The following MYH3 variants were observed in gnomAD, a reference collection of about 807,000 sequenced individuals.
The protein encoded by MYH3 is myosin-3.
Under a neutral mutation model 238.0 loss-of-function variants are expected in MYH3, and 130 were observed. That is an observed-to-expected ratio of 0.55 (90% CI 0.47 to 0.63). MYH3 has a LOEUF of 0.63. Among genes scored for constraint, MYH3 ranks in the 30% least tolerant of loss-of-function variants. MYH3 has a pLI of 0.00. For missense variants in MYH3, 1,853 were observed against 2,374.9 expected (o/e 0.78, Z 4.57); for synonymous variants, 880 against 924.1 (o/e 0.95, Z 0.86).
Position 10,628,577 on chromosome 17 carries a change from A to T in MYH3, c.*76T>A. 1.3e-6 allele frequency: 2 copies of T among 1,495,396 alleles called. No homozygotes were observed. The highest frequency in any genetic ancestry group is 1.9e-6 in the Non-Finnish European group (2 of 1,071,806). The allele number at this position is 1,495,396 out of a possible 1,614,324, so 92.6% of individuals were successfully genotyped here. ...TTGCATGTGAAAAAGAGTCACATGG[A>T]CATTAAGTATCAATGGTCAGGAATC... On this transcript the variant is annotated 3_prime_UTR_variant, in exon 41 of 41. Coordinates refer to ENST00000583535, the MANE Select transcript of MYH3 (RefSeq NM_002470.4).
chr17:10,652,607 GTCTTTTTT>G, intron 3 of MYH3, 44 bp from the exon 4 acceptor site: 8 of 605,262 alleles, frequency 1.3e-5, no homozygotes, highest in Non-Finnish European at 2.1e-5. Flanking sequence ...TGGTCTGCAC[GTCTTTTTT>G]TTTTTTTTTT....
At chr17:10,669,739 A>G in the MYH3 span, among the ~76,000 whole-genome samples, 6 of 152,048 alleles carry the variant, frequency 3.9e-5, no homozygotes, top group African/African-American at 1.4e-4. Context: ...CCCCATCTCT[A>G]CAAAAAATAA....
chr17:10,630,051 C>A (rs779938045), intron 38 of MYH3, 41 bp downstream of exon 38: 2 of 1,606,936 alleles, frequency 1.2e-6, no homozygotes, highest in South Asian at 1.1e-5. Flanking sequence ...AGAATCTGCA[C>A]GTCACAGAGG....
intron 34 of MYH3, 118 bp from the exon 35 acceptor site, chr17:10,632,134 T>G: frequency 7.5e-7 from 1 of 1,326,568 alleles, no homozygotes; most frequent in Non-Finnish European, 1.0e-6. Flanking sequence ...TTGTTTTGTT[T>G]GTTTTGAGAC....
chr17:10,667,749 C>T, the MYH3 span, among the ~76,000 whole-genome samples: 5 of 148,718 alleles, frequency 3.4e-5, no homozygotes, highest in Admixed American at 6.7e-5. Flanking sequence ...CAGGATATAG[C>T]GTTAAAAAAA....
chr17:10,671,631 G>A, the MYH3 span, among the ~76,000 whole-genome samples: 2 of 138,542 alleles, frequency 1.4e-5, no homozygotes, highest in South Asian at 4.7e-4. Context: ...CCAGGCTGGA[G>A]TGCAGTGGTG....
At position 10,638,903 on chromosome 17, in the gene MYH3, G is replaced by C. The variant is rs1306030129; in HGVS notation, c.3309C>G (p.Leu1103=). 1 of 1,614,034 alleles carries C rather than the reference G, an allele frequency of 6.2e-7. No homozygotes were observed. The highest frequency in any genetic ancestry group is 8.5e-7 in the Non-Finnish European group (1 of 1,180,012). The change falls in exon 26 of 41, where the codon CTC becomes CTG. Residue 1103 remains leucine, a synonymous_variant. Coordinates refer to ENST00000583535, the MANE Select transcript of MYH3 (RefSeq NM_002470.4). The stretch of plus-strand genomic sequence containing the variant: ...ACTCTTTGATTTTCTTCTGAAACTG[G>C]AGGCCCAGTGTCTGCTCATCTTCCA... ...SKVEDEQTLG[L]QFQKKIKELQ...
chr17:10,632,470 T>C lies in MYH3; in HGVS notation c.4956+6A>G, dbSNP rs745732321. 4 of 1,612,742 alleles carry C rather than the reference T, an allele frequency of 2.5e-6. No homozygotes were observed. The highest frequency in any genetic ancestry group is 2.2e-5 in the South Asian group (2 of 91,092). Reference sequence around the variant, plus strand: ...AGAGGTTTTTCCCCGATGGGTTCTCTCAAACCTTCAGCTGTCCCTGGACAC... The same window carrying C: ...AGAGGTTTTTCCCCGATGGGTTCTCCCAAACCTTCAGCTGTCCCTGGACAC... On this transcript the variant is annotated splice_donor_region_variant and intron_variant, in intron 34 of 40. Coordinates refer to ENST00000583535, the MANE Select transcript of MYH3 (RefSeq NM_002470.4).
At position 10,629,805 on chromosome 17, in the gene MYH3, C is replaced by T. The variant is rs368693549; in HGVS notation, c.5658+37G>A. On this transcript the variant is annotated intron_variant, in intron 39 of 40. Transcript: ENST00000583535. ...TCAGAACTCACCACGGGAAACAGCA[C>T]GGTCTGCCTGCCGCAGTCAGCACCT... 1.3e-3 allele frequency: 2,144 copies of T among 1,614,018 alleles called. 37 individuals are homozygous for T. In the South Asian group the frequency reaches 0.019, roughly 14 times the overall value.
chr17:10,667,238 T>A, the MYH3 span, among the ~76,000 whole-genome samples: 3 of 152,210 alleles, frequency 2.0e-5, no homozygotes, highest in African/African-American at 7.2e-5. Flanking sequence ...AGAGATATTT[T>A]CACAAATACT....
At chr17:10,657,920 T>C (rs367669945), upstream of MYH3, among the ~76,000 whole-genome samples, 8 of 152,280 alleles carry the variant, frequency 5.3e-5, 1 homozygote. Flanking sequence ...TTTTCTCCTA[T>C]GCAACGTTCT....
In MYH3 at chr17:10,632,681, A is replaced by T. The variant is rs1250011419; in HGVS notation, c.4751T>A (p.Ile1584Asn). The change falls in exon 34 of 41, where the codon ATC (isoleucine) becomes AAC (asparagine). Residue 1584 changes from isoleucine (I) to asparagine (N), a missense_variant. Ile to Asn is a moderately radical substitution (Grantham distance 149, BLOSUM62 -3). This residue lies in a region of MYH3 where 1,044 missense variants were observed against 1,192.6 expected (regional missense o/e 0.88). Coordinates refer to ENST00000583535, the MANE Select transcript of MYH3 (RefSeq NM_002470.4). ...CTGGTAGTTCCTCTTCAGCTGCTCG[A>T]TCTCTTCATCCTTCTCGGCGATCTT... The part of the protein sequence containing the change: ...DRKIAEKDEE[I>N]EQLKRNYQRT... 1 of 1,613,768 alleles carries T rather than the reference A, an allele frequency of 6.2e-7. No individual in the cohort carries two copies. The highest frequency in any genetic ancestry group is 2.2e-5 in the East Asian group (1 of 44,864).
At chr17:10,632,343 T>A (rs2074170991) in intron 34 of MYH3, 133 bp downstream of exon 34, 1 of 1,074,760 alleles carries the variant, frequency 9.3e-7, no homozygotes, top group Non-Finnish European at 1.4e-6. Flanking sequence ...GGTATCAAAC[T>A]CCTGGGCTCA....
At chr17:10,665,947 G>A in the MYH3 span, among the ~76,000 whole-genome samples, 1 of 152,198 alleles carries the variant, frequency 6.6e-6, no homozygotes, top group Non-Finnish European at 1.5e-5. Flanking sequence ...CCAGAAGGAG[G>A]CCCGGATACT....
the MYH3 span, among the ~76,000 whole-genome samples, chr17:10,668,505 T>C: frequency 1.3e-5 from 2 of 152,026 alleles, no homozygotes; most frequent in Admixed American, 6.6e-5. Flanking sequence ...GGTGAGGTCC[T>C]AGGTTGAAGA....
upstream of MYH3, among the ~76,000 whole-genome samples, chr17:10,661,655 C>G (rs943036654): frequency 6.6e-6 from 1 of 152,130 alleles, no homozygotes; most frequent in South Asian, 2.1e-4. Flanking sequence ...TCACTTCCTG[C>G]CCAGCTATTT....
chr17:10,655,210 C>A, intron 2 of MYH3, 138 bp from the exon 3 acceptor site: 1 of 729,522 alleles, frequency 1.4e-6, no homozygotes, highest in Admixed American at 2.0e-5. Flanking sequence ...ACCAGGCTGT[C>A]CTCATGCCTT....
chr17:10,650,881 G>A (rs548423198), intron 5 of MYH3, among the ~76,000 whole-genome samples: 22 of 152,254 alleles, frequency 1.4e-4, no homozygotes, highest in Middle Eastern at 6.8e-3. Context: ...GAGAGGGCAA[G>A]TCTCCACTCA....
rs995223117 is a variant in MYH3 at position 10,638,038 on chromosome 17, A to C, written c.3729+5T>G. The C allele has an allele frequency of 6.2e-7, 1 of 1,613,216 alleles. No homozygotes were observed. Among genetic ancestry groups the C allele is most frequent in the Admixed American group, 1.7e-5 (1 of 59,978 alleles). ...GCCTTGAGCCACCCCCACCCCGCGC[A>C]GCACCTTAGATTTCGACACACTCTC... is the stretch of plus-strand genomic sequence containing the variant. On this transcript the variant is annotated splice_donor_5th_base_variant and intron_variant, in intron 27 of 40. Coordinates refer to ENST00000583535, the MANE Select transcript of MYH3 (RefSeq NM_002470.4).
Sources: gnomAD v4.1 joint callset for allele counts (sites outside exome capture counted in the v4.1 genomes callset) on GRCh38, gnomAD v4.1.1 for gene constraint, gnomAD v4.1.1 regional missense constraint, MANE v1.5 for transcripts, NCBI Gene and HGNC (gene_info 2026-07-23, HGNC 2026-07-21) for gene names.